The following AKAP9 variants were observed in gnomAD, a reference collection of about 807,000 sequenced individuals.
AKAP9 encodes A-kinase anchoring protein 9.
AKAP9 carries 311 observed loss-of-function variants against 488.5 expected under a neutral mutation model. The observed-to-expected ratio is 0.64, with a 90% CI of 0.58 to 0.70. The LOEUF (loss-of-function observed/expected upper bound fraction) is 0.70. Among genes scored for constraint, AKAP9 ranks in the 30% least tolerant of loss-of-function variants. The pLI, the probability that AKAP9 is intolerant of heterozygous loss-of-function variation, is 0.00. For synonymous variants in AKAP9, 1,462 were observed against 1,483.5 expected (o/e 0.99, Z 0.33); for missense variants, 4,215 against 4,374.5 (o/e 0.96, Z 1.03).
chr7:91,953,985 C>G (rs1792621463), intron 1 of AKAP9, among the ~76,000 whole-genome samples: 1 of 152,038 alleles, frequency 6.6e-6, no homozygotes, highest in African/African-American at 2.4e-5. Flanking sequence ...TCTAGTAGGA[C>G]TCTTTTGTTC....
Position 92,079,552 on chromosome 7 carries a change from T to A in AKAP9, c.7419T>A (p.Ala2473=), listed in dbSNP as rs753394221. The change falls in exon 31 of 50, where the codon GCT becomes GCA. Residue 2473 remains alanine, a synonymous_variant. Transcript: ENST00000356239. ...PELEVVLTED[A]LKSLENQTYF... is the part of the protein sequence containing the mutation. ...TAGAAGTAGTCCTTACAGAGGATGC[T>A]CTTAAATCCCTAGAAAATCAGACAT... The A allele has an allele frequency of 6.2e-7, 1 of 1,613,776 alleles. No individual in the cohort carries two copies. Among genetic ancestry groups the A allele is most frequent in the Admixed American group, 1.7e-5 (1 of 60,022 alleles).
At position 92,001,186 on chromosome 7, in the gene AKAP9, A is replaced by G. The variant is rs1409141394; in HGVS notation, c.1269A>G (p.Glu423=). Residue 423 remains glutamate, a synonymous_variant, in exon 8 of 50, where the codon GAA becomes GAG. Coordinates refer to ENST00000356239, the MANE Select transcript of AKAP9 (RefSeq NM_005751.5). ...QFETDIVQRM[E]QETQRKLEQL... ...AAACTGATATAGTACAACGAATGGA[A>G]CAAGAAACACAAAGAAAGTTAGAAC... 37 of 1,614,054 alleles carry G rather than the reference A, an allele frequency of 2.3e-5. No homozygotes were observed. Among genetic ancestry groups the G allele is most frequent in the Non-Finnish European group, 3.0e-5 (35 of 1,179,948 alleles).
At chr7:92,066,605 A>T in intron 26 of AKAP9, 59 bp downstream of exon 26, 1 of 1,591,030 alleles carries the variant, frequency 6.3e-7, no homozygotes. Context: ...GTAAAATAAG[A>T]TGCATATCAT....
intron 25 of AKAP9, among the ~76,000 whole-genome samples, chr7:92,066,091 A>C (rs1234501473): frequency 3.9e-5 from 6 of 152,190 alleles, no homozygotes; most frequent in Non-Finnish European, 7.3e-5. Flanking sequence ...GGCTAAACTA[A>C]CATGGAATTC....
chr7:92,052,720 T>C lies in AKAP9; in HGVS notation c.5369-6T>C, dbSNP rs1186254581. 4 of 1,586,062 alleles carry C rather than the reference T, an allele frequency of 2.5e-6. No individual in the cohort carries two copies. Among genetic ancestry groups the C allele is most frequent in the Admixed American group, 1.7e-5 (1 of 59,924 alleles). ...AATTTATGCCTTTAAAACACTGTTA[T>C]TCTAGTTACAGATGAATCCATTCCC... On this transcript the variant is annotated splice_region_variant and splice_polypyrimidine_tract_variant and intron_variant, in intron 21 of 49. Coordinates refer to ENST00000356239, the MANE Select transcript of AKAP9 (RefSeq NM_005751.5).
chr7:92,004,178 C>T (rs1799514130), intron 8 of AKAP9, among the ~76,000 whole-genome samples: 1 of 152,142 alleles, frequency 6.6e-6, no homozygotes, highest in Non-Finnish European at 1.5e-5. Flanking sequence ...TGTTTTGGTA[C>T]CAGTACCATG....
chr7:91,996,444 C>G (rs1385625828), intron 7 of AKAP9, among the ~76,000 whole-genome samples: 1 of 152,184 alleles, frequency 6.6e-6, no homozygotes, highest in Non-Finnish European at 1.5e-5. Context: ...AGGTGTCAGA[C>G]TGGGATTCAG....
chr7:92,028,724 A>G (rs1315144070), intron 14 of AKAP9, among the ~76,000 whole-genome samples: 1 of 152,258 alleles, frequency 6.6e-6, no homozygotes, highest in Non-Finnish European at 1.5e-5. Flanking sequence ...AAATGATACT[A>G]TTATGAGAAT....
At position 92,084,870 on chromosome 7, in the gene AKAP9, T is replaced by C. The variant is rs764285952; in HGVS notation, c.8762T>C (p.Phe2921Ser). The change falls in exon 35 of 50, where the codon TTT becomes TCT. Residue 2921 changes from phenylalanine (F) to serine (S), a missense_variant. Coordinates refer to ENST00000356239, the MANE Select transcript of AKAP9 (RefSeq NM_005751.5). ...QGIYLTHSQG[F>S]DIASEGRGEE... ...ATTTATCTTACACACAGTCAGGGAT[T>C]TGACATAGCATCAGAAGGCCGAGGA... The C allele has an allele frequency of 5.6e-6, 9 of 1,613,662 alleles. No homozygotes were observed. The highest frequency in any genetic ancestry group is 6.8e-6 in the Non-Finnish European group (8 of 1,179,762).
chr7:92,082,110 T>A (rs1420639659), intron 31 of AKAP9, among the ~76,000 whole-genome samples: 1 of 152,086 alleles, frequency 6.6e-6, no homozygotes. Flanking sequence ...AATTTTTGTA[T>A]TTTTTGTAGA....
chr7:92,089,330 A>G, intron 37 of AKAP9, 55 bp from the exon 38 acceptor site: 1 of 1,590,710 alleles, frequency 6.3e-7, no homozygotes, highest in Non-Finnish European at 8.6e-7. Context: ...CTTGGTTGTT[A>G]ATTGTATTGC....
intron 3 of AKAP9, among the ~76,000 whole-genome samples, chr7:91,988,123 T>A (rs1380275095): frequency 6.6e-6 from 1 of 151,974 alleles, no homozygotes; most frequent in Non-Finnish European, 1.5e-5. Flanking sequence ...CACTGTTTAT[T>A]CCACACGGTA....
rs61757667 is a variant in AKAP9 at position 92,002,266 on chromosome 7, A to G, written c.2349A>G (p.Glu783=). Residue 783 remains glutamate, a synonymous_variant, in exon 8 of 50, where the codon GAA becomes GAG. Transcript: ENST00000356239. ...LEAENSILKD[E]KKTLEDMLKI... ...CAGAGAATAGCATTCTTAAAGATGA[A>G]AAGAAAACCCTTGAAGACATGTTGA... 4.0e-5 allele frequency: 64 copies of G among 1,602,894 alleles called. No individual in the cohort carries two copies. Among genetic ancestry groups the G allele is most frequent in the Non-Finnish European group, 5.2e-5 (61 of 1,177,130 alleles).
At chr7:92,099,132 T>A (rs956218793) in intron 43 of AKAP9, among the ~76,000 whole-genome samples, 5 of 152,170 alleles carry the variant, frequency 3.3e-5, no homozygotes, top group African/African-American at 1.2e-4. Flanking sequence ...CCTTCACCCT[T>A]ATCTGCACAT....
At position 92,102,028 on chromosome 7, in the gene AKAP9, C is replaced by T. The variant is rs879652006; in HGVS notation, c.11098-566C>T. On this transcript the variant is annotated intron_variant, in intron 45 of 49. Coordinates refer to ENST00000356239, the MANE Select transcript of AKAP9 (RefSeq NM_005751.5). ...AAAATTAGCCAGGCATGGTGGTGGG[C>T]GCCTGTAATCCCAGCCACTTGGAAG... 1.7e-4 allele frequency among the ~76,000 whole-genome samples: 26 copies of T among 151,648 alleles called. No homozygotes were observed. In the East Asian group the frequency reaches 2.1e-3, roughly 12 times the overall value.
chr7:91,957,029 A>G (rs550676406), intron 1 of AKAP9, among the ~76,000 whole-genome samples: 12 of 152,308 alleles, frequency 7.9e-5, no homozygotes, highest in African/African-American at 2.9e-4. Flanking sequence ...ATTAATCTGC[A>G]TATTTAAAAA....
intron 2 of AKAP9, among the ~76,000 whole-genome samples, chr7:91,976,585 A>G (rs891163565): frequency 6.6e-6 from 1 of 152,218 alleles, no homozygotes; most frequent in East Asian, 1.9e-4. Context: ...CTTTAATACA[A>G]AAACCATCAC....
chr7:92,041,151 A>C, intron 18 of AKAP9: 1 of 427,070 alleles, frequency 2.3e-6, no homozygotes, highest in East Asian at 3.7e-5. Context: ...ATTTTATTTA[A>C]CTCCTTTTTC....
rs901965564 is a variant in AKAP9 at position 92,001,020 on chromosome 7, A to G, written c.1103A>G (p.Gln368Arg). The G allele has an allele frequency of 1.1e-5, 18 of 1,570,000 alleles. No homozygotes were observed. The highest frequency in any genetic ancestry group is 5.7e-5 in the Admixed American group (3 of 52,568). The change falls in exon 8 of 50, where the codon CAA (glutamine) becomes CGA (arginine). Residue 368 changes from glutamine (Q) to arginine (R), a missense_variant. Around this residue, in one of 5 missense-constraint regions of AKAP9, gnomAD observed 2,361 missense variants for 2,430.0 expected, o/e 0.97. Transcript: ENST00000356239. ...GGAGAATTACAAGAACAGATTGTGCAAAAGAACCAAGAAATAAAAAACATG... is the reference window on the plus strand; with the variant it reads ...GGAGAATTACAAGAACAGATTGTGCGAAAGAACCAAGAAATAAAAAACATG... ...LLGELQEQIV[Q>R]KNQEIKNMKL...
Sources: gnomAD v4.1 joint callset for allele counts (sites outside exome capture counted in the v4.1 genomes callset) on GRCh38, gnomAD v4.1.1 for gene constraint, gnomAD v4.1.1 regional missense constraint, MANE v1.5 for transcripts, NCBI Gene and HGNC (gene_info 2026-07-23, HGNC 2026-07-21) for gene names.